SNTB1: variants seen among roughly 807,000 people sequenced by gnomAD.
The protein encoded by SNTB1 is syntrophin beta 1, also known as beta-1-syntrophin.
SNTB1 carries 36 observed loss-of-function variants against 48.9 expected under a neutral mutation model. The ratio of observed to expected loss-of-function variants is 0.74; its 90% CI spans 0.56 to 0.97. SNTB1 has a LOEUF of 0.97. Among genes scored for constraint, SNTB1 ranks in the 50% least tolerant of loss-of-function variants. SNTB1 has a pLI of 0.00. For synonymous variants in SNTB1, 299 were observed against 294.6 expected (o/e 1.01, Z -0.15); for missense variants, 786 against 703.4 (o/e 1.12, Z -1.33).
At chr8:120,767,875 C>A (rs1013579221) in intron 1 of SNTB1, among the ~76,000 whole-genome samples, 1 of 152,140 alleles carries the variant, frequency 6.6e-6, no homozygotes, top group Non-Finnish European at 1.5e-5. Context: ...AAGACTAACC[C>A]TCTCTCATTC....
At chr8:120,575,929 G>A (rs531949174) in intron 3 of SNTB1, among the ~76,000 whole-genome samples, 197 of 152,290 alleles carry the variant, frequency 1.3e-3, no homozygotes, top group African/African-American at 4.6e-3. Context: ...CTTATCTCAT[G>A]AGCCATCCCC....
chr8:120,606,255 ATTAT>A (rs1350465448), intron 3 of SNTB1, among the ~76,000 whole-genome samples: 1 of 147,840 alleles, frequency 6.8e-6, no homozygotes, highest in Non-Finnish European at 1.5e-5. Flanking sequence ...ATAATATATA[ATTAT>A]TTATAACATA....
intron 2 of SNTB1, among the ~76,000 whole-genome samples, chr8:120,651,867 C>T (rs990233446): frequency 5.9e-5 from 9 of 151,968 alleles, no homozygotes; most frequent in Non-Finnish European, 1.2e-4. Flanking sequence ...AAAAAAGAGC[C>T]GGACAGAACA....
intron 3 of SNTB1, among the ~76,000 whole-genome samples, chr8:120,577,723 A>G (rs1815974063): frequency 2.0e-5 from 3 of 152,260 alleles, no homozygotes; most frequent in Admixed American, 6.5e-5. Context: ...TTTGAAAATA[A>G]GACTCAACAG....
chr8:120,542,635 C>T (rs1815307964), intron 5 of SNTB1, among the ~76,000 whole-genome samples: 2 of 151,934 alleles, frequency 1.3e-5, no homozygotes, highest in Non-Finnish European at 2.9e-5. Flanking sequence ...GCCTGGGCGA[C>T]AGAGCAAGAC....
intron 2 of SNTB1, among the ~76,000 whole-genome samples, chr8:120,640,067 G>A (rs1257142904): frequency 6.6e-6 from 1 of 151,602 alleles, no homozygotes; most frequent in African/African-American, 2.4e-5. Context: ...GCAGTGGTTT[G>A]TAGTTCTCCT....
At chr8:120,575,263 G>A in intron 3 of SNTB1, 38 bp from the exon 4 acceptor site, 1 of 1,613,540 alleles carries the variant, frequency 6.2e-7, no homozygotes, top group Non-Finnish European at 8.5e-7. Flanking sequence ...ATGACAGCCT[G>A]AGGAAAGGAT....
chr8:120,541,095 A>G (rs1330671783), intron 6 of SNTB1: 1 of 152,246 alleles, frequency 6.6e-6, no homozygotes. Flanking sequence ...GCTAGAGAGC[A>G]TAAGAATGTG....
At chr8:120,581,218 C>T (rs1816044903) in intron 3 of SNTB1, among the ~76,000 whole-genome samples, 1 of 152,098 alleles carries the variant, frequency 6.6e-6, no homozygotes, top group South Asian at 2.1e-4. Flanking sequence ...GAAAAGTGCT[C>T]TATGGGAGCC....
At chr8:120,788,041 C>T (rs1819955193) in intron 1 of SNTB1, among the ~76,000 whole-genome samples, 1 of 152,144 alleles carries the variant, frequency 6.6e-6, no homozygotes. Flanking sequence ...TGAGTAGAAA[C>T]CTGACATCTA....
intron 4 of SNTB1, among the ~76,000 whole-genome samples, chr8:120,557,193 G>T (rs1186712586): frequency 6.6e-6 from 1 of 152,190 alleles, no homozygotes; most frequent in Non-Finnish European, 1.5e-5. Flanking sequence ...ATGGAAAAGA[G>T]GAAAGGGTAA....
chr8:120,573,431 T>C (rs1422809448), intron 4 of SNTB1, among the ~76,000 whole-genome samples: 4 of 152,194 alleles, frequency 2.6e-5, no homozygotes, highest in African/African-American at 9.6e-5. Flanking sequence ...AATCTTTATA[T>C]ATTTTGGATA....
At chr8:120,761,753 T>C (rs1454185108) in intron 1 of SNTB1, among the ~76,000 whole-genome samples, 2 of 152,238 alleles carry the variant, frequency 1.3e-5, no homozygotes, top group African/African-American at 2.4e-5. Flanking sequence ...CAGTCATCAC[T>C]TCCCAGACAT....
intron 2 of SNTB1, among the ~76,000 whole-genome samples, chr8:120,653,313 T>C (rs1817439368): frequency 6.6e-6 from 1 of 151,988 alleles, no homozygotes; most frequent in Non-Finnish European, 1.5e-5. Context: ...AGAAAAGACA[T>C]AGAGACATGC....
chr8:120,615,946 C>A (rs1816707180), intron 3 of SNTB1, among the ~76,000 whole-genome samples: 1 of 151,434 alleles, frequency 6.6e-6, no homozygotes, highest in Non-Finnish European at 1.5e-5. Context: ...CAATTTTTTC[C>A]TTAACTGGAT....
At chr8:120,652,228 T>C (rs1817421078) in intron 2 of SNTB1, among the ~76,000 whole-genome samples, 1 of 152,226 alleles carries the variant, frequency 6.6e-6, no homozygotes, top group African/African-American at 2.4e-5. Context: ...CCTGCTTTTC[T>C]GGTAACAGGC....
chr8:120,580,809 C>T (rs1816035552), intron 3 of SNTB1, among the ~76,000 whole-genome samples: 1 of 152,128 alleles, frequency 6.6e-6, no homozygotes, highest in Admixed American at 6.6e-5. Flanking sequence ...AGAAGAGAAA[C>T]AGCATTTAAA....
intron 3 of SNTB1, among the ~76,000 whole-genome samples, chr8:120,604,617 A>G (rs1009689315): frequency 1.3e-5 from 2 of 151,866 alleles, no homozygotes; most frequent in Non-Finnish European, 2.9e-5. Flanking sequence ...TGCCCAGCTA[A>G]TTTTTGTATT....
chr8:120,757,446 G>A (rs900107756), intron 1 of SNTB1, among the ~76,000 whole-genome samples: 2 of 152,184 alleles, frequency 1.3e-5, no homozygotes, highest in African/African-American at 2.4e-5. Context: ...TCAGAGACAG[G>A]AGACCTGGGT....
Sources: gnomAD v4.1 joint callset for allele counts (sites outside exome capture counted in the v4.1 genomes callset) on GRCh38, gnomAD v4.1.1 for gene constraint, MANE v1.5 for transcripts, NCBI Gene and HGNC (gene_info 2026-07-23, HGNC 2026-07-21) for gene names.